The following KCNQ5 variants were observed in gnomAD, a reference collection of about 807,000 sequenced individuals.
KCNQ5 encodes potassium voltage-gated channel subfamily Q member 5, also known as potassium voltage-gated channel subfamily KQT member 5.
Under a neutral mutation model 98.2 loss-of-function variants are expected in KCNQ5, and 30 were observed. That is an observed-to-expected ratio of 0.31 (90% confidence interval 0.23 to 0.41). The LOEUF (loss-of-function observed/expected upper bound fraction) is 0.41. KCNQ5 is among the 10% of genes least tolerant of loss of function. KCNQ5 has a pLI of 1.00. For synonymous variants in KCNQ5, 458 were observed against 449.4 expected (o/e 1.02, Z -0.24); for missense variants, 835 against 1,182.5 (o/e 0.71, Z 4.31).
intron 1 of KCNQ5, among the ~76,000 whole-genome samples, chr6:72,852,769 C>A (rs1453209493): frequency 1.3e-5 from 2 of 149,572 alleles, no homozygotes; most frequent in African/African-American, 4.9e-5. Context: ...TTTAAACACA[C>A]ACGTCAAACA....
chr6:73,073,894 A>C (rs1773406851), intron 3 of KCNQ5, among the ~76,000 whole-genome samples: 2 of 152,214 alleles, frequency 1.3e-5, no homozygotes, highest in African/African-American at 4.8e-5. Flanking sequence ...TACTTTAAAT[A>C]ATAGGGAGAT....
chr6:72,700,110 G>T (rs1279990655), intron 1 of KCNQ5, among the ~76,000 whole-genome samples: 3 of 152,102 alleles, frequency 2.0e-5, no homozygotes, highest in Admixed American at 6.6e-5. Context: ...CATCAAAAAA[G>T]TTATATGTTT....
intron 11 of KCNQ5, among the ~76,000 whole-genome samples, chr6:73,173,007 C>A (rs966963300): frequency 1.3e-5 from 2 of 152,114 alleles, no homozygotes; most frequent in African/African-American, 2.4e-5. Context: ...TAAGGACACT[C>A]TCTGAATTTG....
At chr6:72,988,093 C>T (rs1302498460) in intron 1 of KCNQ5, among the ~76,000 whole-genome samples, 1 of 152,166 alleles carries the variant, frequency 6.6e-6, no homozygotes, top group African/African-American at 2.4e-5. Context: ...CTAAAACCTC[C>T]TGTTTTCTGT....
At chr6:72,655,040 CTTTCTTTCTTTCTT>C (rs1766093353) in intron 1 of KCNQ5, among the ~76,000 whole-genome samples, 1 of 141,652 alleles carries the variant, frequency 7.1e-6, no homozygotes, top group African/African-American at 2.6e-5. Context: ...TTCTTTCTTT[CTTTCTTTCTTTCTT>C]TCTTTCTTTC....
chr6:73,004,919 T>C (rs1444110862), intron 2 of KCNQ5, among the ~76,000 whole-genome samples: 1 of 152,180 alleles, frequency 6.6e-6, no homozygotes, highest in Non-Finnish European at 1.5e-5. Context: ...GCAATAAATA[T>C]TGAATATGAA....
chr6:72,654,795 C>T (rs1766061205), intron 1 of KCNQ5, among the ~76,000 whole-genome samples: 1 of 152,038 alleles, frequency 6.6e-6, no homozygotes, highest in Non-Finnish European at 1.5e-5. Flanking sequence ...TGATTACATA[C>T]ATCTACTTAT....
intron 1 of KCNQ5, among the ~76,000 whole-genome samples, chr6:72,706,535 T>C (rs1232690621): frequency 3.3e-5 from 5 of 152,068 alleles, no homozygotes; most frequent in African/African-American, 7.2e-5. Context: ...AATATCAATC[T>C]GGAACTATTT....
intron 1 of KCNQ5, among the ~76,000 whole-genome samples, chr6:72,777,839 T>C (rs866545152): frequency 7.2e-5 from 11 of 152,274 alleles, no homozygotes; most frequent in Middle Eastern, 3.4e-3. Flanking sequence ...CACCCTCCAT[T>C]AGGCCTTGAC....
chr6:72,915,981 A>T (rs955706467), intron 1 of KCNQ5, among the ~76,000 whole-genome samples: 1 of 152,236 alleles, frequency 6.6e-6, no homozygotes, highest in African/African-American at 2.4e-5. Context: ...AGCCTCACAC[A>T]TGAATTTGCT....
chr6:72,823,353 C>T (rs531799496), intron 1 of KCNQ5, among the ~76,000 whole-genome samples: 1 of 152,048 alleles, frequency 6.6e-6, no homozygotes, highest in African/African-American at 2.4e-5. Flanking sequence ...GACTTCTTTA[C>T]ACTGATTATA....
chr6:72,777,425 G>A (rs1253803089), intron 1 of KCNQ5, among the ~76,000 whole-genome samples: 2 of 152,046 alleles, frequency 1.3e-5, no homozygotes, highest in African/African-American at 4.8e-5. Context: ...AAGTGGAGTG[G>A]GTGGTTGAAG....
intron 1 of KCNQ5, among the ~76,000 whole-genome samples, chr6:72,960,084 CCTGACAACACACCCTTA>C (rs1173133758): frequency 1.3e-5 from 2 of 152,108 alleles, no homozygotes; most frequent in African/African-American, 2.4e-5. Context: ...CTGAAAGAAG[CCTGACAACACACCCTTA>C]CTGACATTAT....
intron 6 of KCNQ5, among the ~76,000 whole-genome samples, chr6:73,107,493 GTATCCTGT>G (rs1384769182): frequency 2.6e-5 from 4 of 152,158 alleles, no homozygotes; most frequent in African/African-American, 9.7e-5. Context: ...TTCAAAATGT[GTATCCTGT>G]CAGTAAAAAT....
intron 1 of KCNQ5, among the ~76,000 whole-genome samples, chr6:72,726,250 G>T (rs7738694): frequency 9.8e-5 from 14 of 142,978 alleles, no homozygotes; most frequent in Admixed American, 2.9e-4. Flanking sequence ...TGGCTCTGTC[G>T]CCCAGGCTGG....
At chr6:72,811,330 T>A (rs1382730519) in intron 1 of KCNQ5, among the ~76,000 whole-genome samples, 1 of 152,202 alleles carries the variant, frequency 6.6e-6, no homozygotes, top group Non-Finnish European at 1.5e-5. Context: ...TCAGGCTTCC[T>A]GAATCTAAGG....
intron 1 of KCNQ5, among the ~76,000 whole-genome samples, chr6:72,881,289 T>A (rs916738074): frequency 1.1e-4 from 17 of 152,196 alleles, no homozygotes; most frequent in African/African-American, 4.1e-4. Context: ...CTTAGAATCC[T>A]CAATGGTAGA....
intron 1 of KCNQ5, among the ~76,000 whole-genome samples, chr6:73,002,482 T>TA (rs1769626318): frequency 6.6e-6 from 1 of 152,200 alleles, no homozygotes; most frequent in Non-Finnish European, 1.5e-5. Context: ...AACATAGAGA[T>TA]AATTGATAAT....
chr6:72,666,275 A>T (rs1034966219), intron 1 of KCNQ5, among the ~76,000 whole-genome samples: 38 of 152,200 alleles, frequency 2.5e-4, no homozygotes, highest in Non-Finnish European at 7.4e-5. Flanking sequence ...TATAATTTAA[A>T]AAGTCTCTAA....
Sources: allele counts gnomAD v4.1 joint callset (sites outside exome capture counted in the v4.1 genomes callset), GRCh38; gene constraint gnomAD v4.1.1; transcripts MANE v1.5; gene names NCBI Gene and HGNC (gene_info 2026-07-23, HGNC 2026-07-21).